The following TPD52 variants were observed in gnomAD, a reference collection of about 807,000 sequenced individuals.
The protein encoded by TPD52 is prostate and colon associated protein.
In TPD52, 17 loss-of-function variants were observed where a neutral mutation model predicts 31.3. The observed-to-expected ratio is 0.54, with a 90% CI of 0.37 to 0.82. TPD52 has a LOEUF of 0.82. TPD52 is among the 40% of genes least tolerant of loss of function. The pLI, the probability that TPD52 is intolerant of heterozygous loss-of-function variation, is 0.00. For synonymous variants in TPD52, 83 were observed against 89.6 expected (o/e 0.93, Z 0.42); for missense variants, 212 against 240.1 (o/e 0.88, Z 0.77).
chr8:80,160,892 A>T (rs1472740078), intron 1 of TPD52, among the ~76,000 whole-genome samples: 1 of 50,788 alleles, frequency 2.0e-5, no homozygotes, highest in Admixed American at 2.2e-4. Context: ...AAAAATACAA[A>T]AAAAAAAAAA....
chr8:80,128,202 A>T (rs1187057838), intron 1 of TPD52, among the ~76,000 whole-genome samples: 1 of 152,024 alleles, frequency 6.6e-6, no homozygotes, highest in East Asian at 1.9e-4. Flanking sequence ...GTATATTTTT[A>T]AAATTTATTT....
At chr8:80,156,197 AG>A (rs1322057510) in intron 1 of TPD52, among the ~76,000 whole-genome samples, 1 of 152,194 alleles carries the variant, frequency 6.6e-6, no homozygotes, top group Non-Finnish European at 1.5e-5. Context: ...TACTGACACC[AG>A]GAAGACCTAG....
intron 1 of TPD52, among the ~76,000 whole-genome samples, chr8:80,147,947 C>T (rs1454000461): frequency 2.0e-5 from 3 of 151,862 alleles, no homozygotes; most frequent in Non-Finnish European, 4.4e-5. Context: ...ATAAAATAAA[C>T]GCCACAAGAG....
At position 80,059,311 on chromosome 8, in the gene TPD52, C is replaced by G. The variant is rs144954344; in HGVS notation, c.135+5167G>C. Among the ~76,000 whole-genome samples the G allele has an allele frequency of 8.9e-3, 1,346 of 151,900 alleles. 25 individuals carry two copies. Among genetic ancestry groups the G allele is most frequent in the African/African-American group, 0.031 (1,282 of 41,406 alleles). On this transcript the variant is annotated intron_variant, in intron 2 of 7. Transcript: ENST00000518937. ...TTTTGGGATGCAGTTGAAGAACTGT[C>G]AGTAAGAAATGTATAGTTATAAATG...
chr8:80,109,318 G>T (rs144373106), intron 1 of TPD52, among the ~76,000 whole-genome samples: 2 of 152,108 alleles, frequency 1.3e-5, no homozygotes, highest in Non-Finnish European at 2.9e-5. Flanking sequence ...AACTTGTGCG[G>T]TCAATCACTA....
At chr8:80,126,772 C>T (rs1490037948) in intron 1 of TPD52, among the ~76,000 whole-genome samples, 5 of 152,048 alleles carry the variant, frequency 3.3e-5, no homozygotes, top group Admixed American at 2.6e-4. Context: ...CATGAGCCAC[C>T]ACGCCCAGCC....
rs147896367 is a variant in TPD52, at chr8:80,158,263, C to G, written c.19+13162G>C. Among the ~76,000 whole-genome samples, 1,026 of 152,030 alleles carry G rather than the reference C, an allele frequency of 6.7e-3. 13 individuals carry two copies. Among genetic ancestry groups the G allele is most frequent in the African/African-American group, 0.024 (991 of 41,418 alleles). On this transcript the variant is annotated intron_variant, in intron 1 of 7. Transcript: ENST00000518937. ...CCTCCCATTCTCCTCCTCCCCACCC[C>G]ACTCCTCTTCAACCCCAACCCAATT...
At chr8:80,040,593 A>G (rs1473402260) in intron 7 of TPD52, among the ~76,000 whole-genome samples, 2 of 152,158 alleles carry the variant, frequency 1.3e-5, no homozygotes, top group Admixed American at 1.3e-4. Flanking sequence ...TATATTCAGG[A>G]GAGTATATAG....
At chr8:80,155,464 G>A (rs1219888636) in intron 1 of TPD52, among the ~76,000 whole-genome samples, 2 of 152,248 alleles carry the variant, frequency 1.3e-5, no homozygotes, top group Non-Finnish European at 2.9e-5. Context: ...TGTGAGTGCT[G>A]GATTTCTGCA....
chr8:80,171,133 G>T, intron 1 of TPD52: 1 of 681,698 alleles, frequency 1.5e-6, no homozygotes, highest in Non-Finnish European at 2.7e-6. Context: ...CATCACGGCC[G>T]CCAGCCCCTG....
At chr8:80,123,102 G>A (rs543940347) in intron 1 of TPD52, 37 of 152,496 alleles carry the variant, frequency 2.4e-4, no homozygotes, top group African/African-American at 7.9e-4. Flanking sequence ...ACAGTGGGTG[G>A]GAGGAAAGGA....
intron 1 of TPD52, among the ~76,000 whole-genome samples, chr8:80,091,596 G>T (rs1325923705): frequency 2.0e-5 from 3 of 152,284 alleles, no homozygotes; most frequent in Non-Finnish European, 4.4e-5. Context: ...CTTGATATTT[G>T]TCATATACTT....
intron 2 of TPD52, among the ~76,000 whole-genome samples, chr8:80,061,373 C>A (rs866996689): frequency 3.8e-5 from 4 of 104,088 alleles, no homozygotes; most frequent in Middle Eastern, 7.8e-3. Flanking sequence ...CCTTCCCCCC[C>A]ACCGCCCCCC....
chr8:80,078,100 C>T (rs1444344134), intron 1 of TPD52, among the ~76,000 whole-genome samples: 1 of 152,166 alleles, frequency 6.6e-6, no homozygotes, highest in African/African-American at 2.4e-5. Flanking sequence ...TTGGTTGTGT[C>T]AAAGGAGTTT....
chr8:80,125,156 TAC>T (rs1808515781), intron 1 of TPD52, among the ~76,000 whole-genome samples: 1 of 152,164 alleles, frequency 6.6e-6, no homozygotes, highest in Non-Finnish European at 1.5e-5. Context: ...CATGAAGGAC[TAC>T]AGAGTCCAAC....
At chr8:80,031,204 G>T (rs969195829), downstream of TPD52, among the ~76,000 whole-genome samples, 2 of 152,210 alleles carry the variant, frequency 1.3e-5, no homozygotes, top group Non-Finnish European at 2.9e-5. Flanking sequence ...AGTACTTCGA[G>T]AGAAAGAATT....
At chr8:80,130,339 G>A (rs751366188) in intron 1 of TPD52, among the ~76,000 whole-genome samples, 9 of 152,146 alleles carry the variant, frequency 5.9e-5, no homozygotes, top group African/African-American at 1.7e-4. Flanking sequence ...GTCATTACAC[G>A]GCTTAAAATC....
intron 1 of TPD52, among the ~76,000 whole-genome samples, chr8:80,123,812 G>T (rs986726174): frequency 1.5e-4 from 23 of 152,244 alleles, no homozygotes; most frequent in African/African-American, 4.8e-4. Flanking sequence ...CTACATTCTT[G>T]GTACTGGTCA....
intron 1 of TPD52, among the ~76,000 whole-genome samples, chr8:80,071,710 A>C (rs979145609): frequency 1.3e-5 from 2 of 152,002 alleles, no homozygotes; most frequent in Non-Finnish European, 2.9e-5. Flanking sequence ...CCTCCTGCCT[A>C]GTTTGAGCTG....
Sources: gnomAD v4.1 joint callset for allele counts (sites outside exome capture counted in the v4.1 genomes callset) on GRCh38, gnomAD v4.1.1 for gene constraint, MANE v1.5 for transcripts, NCBI Gene and HGNC (gene_info 2026-07-23, HGNC 2026-07-21) for gene names.